Variants in UBE3A observed in about 807,000 individuals in gnomAD.
UBE3A encodes ubiquitin-protein ligase E3A.
Under a neutral mutation model 83.4 loss-of-function variants are expected in UBE3A, and 6 were observed. The ratio of observed to expected loss-of-function variants is 0.07; its 90% CI spans 0.04 to 0.14. The LOEUF is 0.14. Ranked by LOEUF, UBE3A falls within the 10% of genes least tolerant of loss-of-function variation. UBE3A has a pLI of 1.00. For synonymous variants in UBE3A, 337 were observed against 355.4 expected (o/e 0.95, Z 0.58); for missense variants, 456 against 1,036.1 (o/e 0.44, Z 7.69).
chr15:25,419,121 T>A (rs2153135944), intron 1 of UBE3A: 1 of 152,154 alleles, frequency 6.6e-6, no homozygotes, highest in East Asian at 1.9e-4. Context: ...GCAAAATAAA[T>A]AGTTGCTGAT....
intron 11 of UBE3A, among the ~76,000 whole-genome samples, chr15:25,341,271 C>T (rs1232342984): frequency 6.6e-6 from 1 of 151,576 alleles, no homozygotes; most frequent in Non-Finnish European, 1.5e-5. Context: ...AGGATTTCAC[C>T]ATGTTAGCCA....
At chr15:25,373,411 T>C (rs895888156) in intron 5 of UBE3A, 15 of 152,206 alleles carry the variant, frequency 9.9e-5, no homozygotes, top group Admixed American at 3.3e-4. Flanking sequence ...TTTCGGAACA[T>C]CTTCAAGTGA....
chr15:25,411,568 C>CTG (rs1418371229), intron 2 of UBE3A, among the ~76,000 whole-genome samples: 1 of 152,168 alleles, frequency 6.6e-6, no homozygotes, highest in Non-Finnish European at 1.5e-5. Context: ...CCAGCCTGGG[C>CTG]AACAGAGCAA....
intron 1 of UBE3A, among the ~76,000 whole-genome samples, chr15:25,436,349 C>A (rs1018559109): frequency 6.6e-6 from 1 of 152,140 alleles, no homozygotes; most frequent in African/African-American, 2.4e-5. Context: ...TAGACCTACA[C>A]AATTATAAGT....
chr15:25,433,737 C>T (rs1894179253), intron 1 of UBE3A, among the ~76,000 whole-genome samples: 1 of 151,926 alleles, frequency 6.6e-6, no homozygotes, highest in Non-Finnish European at 1.5e-5. Context: ...AGTCATAAGG[C>T]TTAGAATCAA....
rs1187245686 is a variant in UBE3A, at chr15:25,335,380, C to T, written c.*3757G>A. Reference sequence around the variant, plus strand: ...AGTGAGGGGGCAATCTGTGGAGGCACTGAATGCAGAGGATATTAAAATTAG... The same window carrying T: ...AGTGAGGGGGCAATCTGTGGAGGCATTGAATGCAGAGGATATTAAAATTAG... On this transcript the variant is annotated 3_prime_UTR_variant, in exon 13 of 13. Transcript: ENST00000648336. 1 of 152,214 alleles carries T rather than the reference C, an allele frequency of 6.6e-6. No homozygotes were observed. Among genetic ancestry groups the T allele is most frequent in the Non-Finnish European group, 1.5e-5 (1 of 68,080 alleles). 9.4% of individuals were successfully genotyped at this position (152,214 alleles called of 1,614,324 possible).
intron 4 of UBE3A, among the ~76,000 whole-genome samples, chr15:25,383,201 T>G (rs965990635): frequency 2.6e-5 from 4 of 152,180 alleles, no homozygotes; most frequent in African/African-American, 9.7e-5. Context: ...TTTCATAAAT[T>G]CTCAACTGGA....
At chr15:25,436,470 C>T (rs1318244215) in intron 1 of UBE3A, among the ~76,000 whole-genome samples, 1 of 152,060 alleles carries the variant, frequency 6.6e-6, no homozygotes, top group Admixed American at 6.6e-5. Flanking sequence ...TTTGCTATGA[C>T]CTATAAATCT....
At chr15:25,409,434 ATAG>A (rs1032002240) in intron 2 of UBE3A, 4 of 230,426 alleles carry the variant, frequency 1.7e-5, no homozygotes, top group African/African-American at 9.0e-5. Context: ...ATGTAATGTT[ATAG>A]TTTCTGAAGC....
intron 3 of UBE3A, 183 bp from the exon 4 acceptor site, chr15:25,405,685 T>C: frequency 1.6e-6 from 1 of 641,810 alleles, no homozygotes; most frequent in East Asian, 2.8e-5. Context: ...ACACATTTAT[T>C]TTAAGGGTTG....
chr15:25,371,068 G>A lies in UBE3A; in HGVS notation c.1106C>T (p.Ser369Leu), dbSNP rs2080233700. The A allele has an allele frequency of 6.2e-7, 1 of 1,613,786 alleles. No homozygotes were observed. Reference protein sequence around the residue: ...VNDDDAIVAASKCLKMVYYAN... With the variant: ...VNDDDAIVAALKCLKMVYYAN... ...ATAGTAAACCATTTTCAAGCACTTC[G>A]AAGCAGCAACAATGGCATCATCATC... The change falls in exon 6 of 13, where the codon TCG becomes TTG. Residue 369 changes from serine to leucine, a missense_variant. Coordinates refer to ENST00000648336, the MANE Select transcript of UBE3A (RefSeq NM_130839.5). The surrounding 1 kb of genome is among the most constrained non-coding windows in gnomAD (Gnocchi z 5.3).
rs2073927562 is a variant in UBE3A, at chr15:25,335,634, A to G, written c.*3503T>C. 6.6e-6 allele frequency: 1 copy of G among 152,192 alleles called. No individual in the cohort carries two copies. The highest frequency in any genetic ancestry group is 2.4e-5 in the African/African-American group (1 of 41,456). The allele number at this position is 152,192 out of a possible 1,614,324, so 9.4% of individuals were successfully genotyped here. ...GATTGGGGTGAAGGTTACATTTCTT[A>G]AAAAGAAACAAAGAATGGTCGGTCG... is the stretch of plus-strand genomic sequence containing the variant. On this transcript the variant is annotated 3_prime_UTR_variant, in exon 13 of 13. Coordinates refer to ENST00000648336, the MANE Select transcript of UBE3A (RefSeq NM_130839.5).
intron 7 of UBE3A, among the ~76,000 whole-genome samples, 194 bp downstream of exon 7, chr15:25,360,187 AAG>A (rs1307375458): frequency 4.6e-5 from 7 of 152,218 alleles, no homozygotes; most frequent in African/African-American, 1.7e-4. Flanking sequence ...TAAGAAATAA[AAG>A]AATTTGAATA....
intron 4 of UBE3A, among the ~76,000 whole-genome samples, chr15:25,401,526 G>C (rs1387146858): frequency 2.0e-5 from 3 of 152,144 alleles, no homozygotes; most frequent in Non-Finnish European, 4.4e-5. Context: ...GCTTGGACAA[G>C]TTGCATGTGT....
chr15:25,370,476 T>A lies in UBE3A; in HGVS notation c.1608+90A>T. On this transcript the variant is annotated intron_variant, in intron 6 of 12. Coordinates refer to ENST00000648336, the MANE Select transcript of UBE3A (RefSeq NM_130839.5). This position sits in a 1 kb window ranked among gnomAD's most constrained non-coding sequence, Gnocchi z 4.2. Reference sequence around the variant, plus strand: ...CCATGTGTTCCTATGCTATATGGTATCATTTTTTTCAGTCACTTTTAAAAT... The same window carrying A: ...CCATGTGTTCCTATGCTATATGGTAACATTTTTTTCAGTCACTTTTAAAAT... 1 of 1,456,480 alleles carries A rather than the reference T, an allele frequency of 6.9e-7. No individual in the cohort carries two copies. Among genetic ancestry groups the A allele is most frequent in the Non-Finnish European group, 9.6e-7 (1 of 1,036,912 alleles). The allele number at this position is 1,456,480 out of a possible 1,614,324, so 90.2% of individuals were successfully genotyped here.
chr15:25,438,115 G>A (rs1174016052), intron 1 of UBE3A: 7 of 152,262 alleles, frequency 4.6e-5, no homozygotes, highest in Admixed American at 3.9e-4. Flanking sequence ...GCCGAGAAAG[G>A]GCTCCCCTTT....
chr15:25,418,234 G>C (rs1423706354), intron 1 of UBE3A: 1 of 152,120 alleles, frequency 6.6e-6, no homozygotes, highest in Non-Finnish European at 1.5e-5. Context: ...TGCGGCACAT[G>C]ACTGTATAAC....
intron 7 of UBE3A, among the ~76,000 whole-genome samples, chr15:25,359,400 G>C (rs945907504): frequency 1.4e-5 from 2 of 148,032 alleles, no homozygotes; most frequent in Admixed American, 6.9e-5. Context: ...ACACTAGCTA[G>C]ATTATAGATA....
chr15:25,359,368 T>C lies in UBE3A; in HGVS notation c.1753+1015A>G, dbSNP rs781357960. ...TAGAACAAACTACATACAAATGGCATAGCTTTTTAGTTATTAATAAAACAC... is the reference window on the plus strand; with the variant it reads ...TAGAACAAACTACATACAAATGGCACAGCTTTTTAGTTATTAATAAAACAC... On this transcript the variant is annotated intron_variant, in intron 7 of 12. Coordinates refer to ENST00000648336, the MANE Select transcript of UBE3A (RefSeq NM_130839.5). 5.5e-4 allele frequency among the ~76,000 whole-genome samples: 84 copies of C among 151,916 alleles called. 1 individual carries two copies. The highest frequency in any genetic ancestry group is 1.6e-3 in the Admixed American group (24 of 15,234).
Sources: gnomAD v4.1 joint callset for allele counts (sites outside exome capture counted in the v4.1 genomes callset) on GRCh38, gnomAD v4.1.1 for gene constraint, Gnocchi (gnomAD v3.1) non-coding constraint, MANE v1.5 for transcripts, NCBI Gene and HGNC (gene_info 2026-07-23, HGNC 2026-07-21) for gene names.